Variants in PDE10A observed in about 807,000 individuals in gnomAD.
The protein encoded by PDE10A is phosphodiesterase 10A.
Under a neutral mutation model 97.7 loss-of-function variants are expected in PDE10A, and 39 were observed. That is an observed-to-expected ratio of 0.40 (90% CI 0.31 to 0.52). The LOEUF (loss-of-function observed/expected upper bound fraction) is 0.52, where lower values mean the gene tolerates loss of function less well. PDE10A is among the 20% of genes least tolerant of loss of function. PDE10A has a pLI of 0.56. For missense variants in PDE10A, 731 were observed against 1,047.8 expected, an observed-to-expected ratio of 0.70 and a Z score of 4.17; for synonymous variants, 371 against 376.8, an observed-to-expected ratio of 0.98 and a Z score of 0.18.
At chr6:165,903,047 C>G (rs558045147) in intron 1 of PDE10A, among the ~76,000 whole-genome samples, 2 of 152,328 alleles carry the variant, frequency 1.3e-5, no homozygotes, top group South Asian at 4.1e-4. Context: ...ATTCCTGACA[C>G]TTTTTTCCTC....
intron 1 of PDE10A, among the ~76,000 whole-genome samples, chr6:165,708,307 G>T (rs1377906338): frequency 6.6e-6 from 1 of 152,008 alleles, no homozygotes; most frequent in Non-Finnish European, 1.5e-5. Flanking sequence ...CCGTCACACC[G>T]GGCCTCCCCC....
intron 1 of PDE10A, among the ~76,000 whole-genome samples, chr6:165,563,269 G>GGGAA (rs762322146): frequency 1.2e-4 from 18 of 150,188 alleles, no homozygotes; most frequent in Non-Finnish European, 2.2e-4. Context: ...GGAGGAAGGA[G>GGGAA]GGAAGGAAGG....
chr6:165,713,502 G>A (rs1423272744), intron 1 of PDE10A, among the ~76,000 whole-genome samples: 2 of 152,316 alleles, frequency 1.3e-5, no homozygotes, highest in Non-Finnish European at 2.9e-5. Context: ...ATTAGATTGG[G>A]AACTACCCCA....
chr6:165,946,498 T>TAAAAAAAAAA (rs57063900), intron 1 of PDE10A, among the ~76,000 whole-genome samples: 1 of 128,534 alleles, frequency 7.8e-6, no homozygotes, highest in African/African-American at 2.6e-5. Context: ...TATCTCAAAA[T>TAAAAAAAAAA]AAAAAAAAAA....
intron 1 of PDE10A, among the ~76,000 whole-genome samples, chr6:165,560,755 CA>C: frequency 6.6e-6 from 1 of 152,284 alleles, no homozygotes; most frequent in East Asian, 1.9e-4. Flanking sequence ...AGCACAAGCC[CA>C]GGGGAGAACG....
At chr6:165,407,093 T>A (rs1330268705) in intron 13 of PDE10A, among the ~76,000 whole-genome samples, 1 of 152,176 alleles carries the variant, frequency 6.6e-6, no homozygotes, top group Non-Finnish European at 1.5e-5. Flanking sequence ...CCAATTTCCC[T>A]CCTAAGTCCT....
At chr6:165,485,703 C>T (rs1779874943) in intron 2 of PDE10A, among the ~76,000 whole-genome samples, 2 of 151,630 alleles carry the variant, frequency 1.3e-5, no homozygotes, top group Non-Finnish European at 2.9e-5. Flanking sequence ...AGCAATACTC[C>T]TGCCTCAGCC....
intron 1 of PDE10A, among the ~76,000 whole-genome samples, chr6:165,789,911 T>A (rs919665183): frequency 1.6e-4 from 24 of 152,202 alleles, no homozygotes; most frequent in African/African-American, 5.3e-4. Flanking sequence ...ATCAAATTGT[T>A]CATGTTTGTG....
At chr6:165,672,681 T>C (rs540219544) in intron 1 of PDE10A, among the ~76,000 whole-genome samples, 85 of 152,332 alleles carry the variant, frequency 5.6e-4, no homozygotes, top group African/African-American at 1.8e-3. Flanking sequence ...TGTCTGCCGC[T>C]ATGTGAGACG....
intron 2 of PDE10A, among the ~76,000 whole-genome samples, chr6:165,500,414 C>T (rs778391082): frequency 6.6e-6 from 1 of 152,164 alleles, no homozygotes; most frequent in African/African-American, 2.4e-5. Flanking sequence ...CTAGCCCCAA[C>T]CCTGTGCTCG....
chr6:165,930,948 A>C (rs1036022549), intron 1 of PDE10A, among the ~76,000 whole-genome samples: 1 of 152,222 alleles, frequency 6.6e-6, no homozygotes, highest in Non-Finnish European at 1.5e-5. Context: ...AGGGAACCGC[A>C]AGGAGAACGA....
rs1357995303 is a variant in PDE10A, at chr6:165,435,312, G to A, written c.1260C>T (p.Pro420=). ...EGKPRLIPAG[P]ITQGTTVSAY... The stretch of plus-strand genomic sequence containing the variant: ...CAGAGACGGTGGTGCCCTGAGTGAT[G>A]GGCCCAGCAGGGATGAGGCGGGGTT... The change falls in exon 6 of 22, where the codon CCC becomes CCT. Residue 420 remains proline, a synonymous_variant. Coordinates refer to ENST00000539869, the MANE Select transcript of PDE10A (RefSeq NM_001385079.1). 6.2e-7 allele frequency: 1 copy of A among 1,613,692 alleles called. No homozygotes were observed. Among genetic ancestry groups the A allele is most frequent in the Non-Finnish European group, 8.5e-7 (1 of 1,179,738 alleles).
intron 13 of PDE10A, among the ~76,000 whole-genome samples, chr6:165,407,469 G>A (rs913624111): frequency 6.6e-6 from 1 of 152,190 alleles, no homozygotes; most frequent in Non-Finnish European, 1.5e-5. Flanking sequence ...CGTATGTAAA[G>A]TGTCTAGAAC....
intron 1 of PDE10A, among the ~76,000 whole-genome samples, chr6:165,544,650 CAG>C (rs1392060282): frequency 6.6e-6 from 1 of 151,272 alleles, no homozygotes; most frequent in Non-Finnish European, 1.5e-5. Flanking sequence ...TTTATGACTC[CAG>C]AGAGTAGGCT....
chr6:165,412,946 A>C (rs1358396678), intron 13 of PDE10A, among the ~76,000 whole-genome samples: 2 of 152,134 alleles, frequency 1.3e-5, no homozygotes, highest in Non-Finnish European at 2.9e-5. Flanking sequence ...AAATTCCACT[A>C]TTTTTAAAGT....
At chr6:165,882,921 C>T (rs550575783) in intron 1 of PDE10A, among the ~76,000 whole-genome samples, 1 of 152,256 alleles carries the variant, frequency 6.6e-6, no homozygotes, top group Non-Finnish European at 1.5e-5. Context: ...AGAAAACTCA[C>T]CTATCACAAT....
intron 1 of PDE10A, among the ~76,000 whole-genome samples, chr6:165,965,207 G>A (rs1322451036): frequency 1.3e-5 from 2 of 152,220 alleles, no homozygotes; most frequent in Admixed American, 6.5e-5. Context: ...CCACAGCAGG[G>A]AAGAGGTAGG....
chr6:165,467,471 C>T (rs1484886065), intron 3 of PDE10A, among the ~76,000 whole-genome samples: 1 of 152,154 alleles, frequency 6.6e-6, no homozygotes, highest in African/African-American at 2.4e-5. Flanking sequence ...GAATCTAAGG[C>T]TCAGTGACCA....
At chr6:165,853,007 CAT>C (rs1256119196) in intron 1 of PDE10A, among the ~76,000 whole-genome samples, 6 of 152,238 alleles carry the variant, frequency 3.9e-5, no homozygotes, top group African/African-American at 7.2e-5. Context: ...TGCTTTTCCA[CAT>C]GTTTTGTGTT....
Sources: allele counts gnomAD v4.1 joint callset (sites outside exome capture counted in the v4.1 genomes callset), GRCh38; gene constraint gnomAD v4.1.1; transcripts MANE v1.5; gene names NCBI Gene and HGNC (gene_info 2026-07-23, HGNC 2026-07-21).